The following ZNF782 variants were observed in gnomAD, a reference collection of about 807,000 sequenced individuals.
ZNF782 encodes the protein zinc finger protein 782.
Under a neutral mutation model 13.0 loss-of-function variants are expected in ZNF782, and 12 were observed. That is an observed-to-expected ratio of 0.92 (90% CI 0.59 to 1.50). The LOEUF is 1.50. Ranked by LOEUF, ZNF782 falls within the 40% of genes most tolerant of loss-of-function variation. The probability of loss-of-function intolerance (pLI) is 0.00; values close to 1 mark genes in which losing one functional copy is unlikely to be tolerated. For missense variants in ZNF782, 770 were observed against 822.9 expected (o/e 0.94, Z 0.79); for synonymous variants, 284 against 283.0 (o/e 1.00, Z -0.04).
At chr9:96,881,769 T>C in the ZNF782 span, among the ~76,000 whole-genome samples, 1 of 152,136 alleles carries the variant, frequency 6.6e-6, no homozygotes, top group Admixed American at 6.5e-5. Context: ...TTCTCCTCCA[T>C]TTATTTATAT....
chr9:96,824,356 C>G (rs1221395876), intron 5 of ZNF782, among the ~76,000 whole-genome samples: 65 of 144,550 alleles, frequency 4.5e-4, no homozygotes, highest in African/African-American at 6.3e-4. Context: ...ATTCAACAAC[C>G]CTTCATGCTA....
chr9:96,918,762 C>T, the ZNF782 span: 5 of 162,734 alleles, frequency 3.1e-5, no homozygotes, highest in African/African-American at 9.6e-5. Context: ...ACTTGTGTGC[C>T]GAGGAGACTC....
intron 1 of ZNF782, among the ~76,000 whole-genome samples, chr9:96,869,191 C>G (rs953728369): frequency 2.0e-5 from 3 of 151,772 alleles, no homozygotes; most frequent in Non-Finnish European, 4.4e-5. Context: ...AGCTTATTAA[C>G]CTTTTTGGCA....
chr9:96,881,215 C>A, the ZNF782 span, among the ~76,000 whole-genome samples: 2 of 152,102 alleles, frequency 1.3e-5, no homozygotes, highest in African/African-American at 4.8e-5. Flanking sequence ...AAACCCCCCA[C>A]AACTTTTGGG....
the ZNF782 span, chr9:96,929,010 GC>G: frequency 6.2e-7 from 1 of 1,609,492 alleles, no homozygotes; most frequent in African/African-American, 1.4e-5. Context: ...GGTGGTCAGT[GC>G]CCAGCCTGAG....
chr9:96,905,084 T>G, the ZNF782 span, among the ~76,000 whole-genome samples: 3 of 147,942 alleles, frequency 2.0e-5, no homozygotes, highest in African/African-American at 8.0e-5. Context: ...CCAGAGCAAC[T>G]CCATCTTGAA....
At chr9:96,865,468 C>A (rs1215153603) in intron 1 of ZNF782, among the ~76,000 whole-genome samples, 2 of 152,206 alleles carry the variant, frequency 1.3e-5, no homozygotes, top group Non-Finnish European at 2.9e-5. Context: ...TTGCCTTTTG[C>A]AGTGATTGTG....
At chr9:96,822,192 G>A (rs982675754) in intron 5 of ZNF782, among the ~76,000 whole-genome samples, 1 of 152,062 alleles carries the variant, frequency 6.6e-6, no homozygotes, top group Non-Finnish European at 1.5e-5. Context: ...ATTTGACTGG[G>A]GTGTTTGCAT....
intron 4 of ZNF782, among the ~76,000 whole-genome samples, chr9:96,834,878 A>G (rs995075080): frequency 6.6e-6 from 1 of 152,176 alleles, no homozygotes; most frequent in Non-Finnish European, 1.5e-5. Context: ...CAGTATTGCC[A>G]TGAATGGAGC....
rs920178139 is a variant in ZNF782, at chr9:96,854,434, C to G, written c.-608G>C. 1.3e-5 allele frequency: 2 copies of G among 152,278 alleles called. No individual in the cohort carries two copies. Among genetic ancestry groups the G allele is most frequent in the African/African-American group, 4.8e-5 (2 of 41,454 alleles). 9.4% of individuals were successfully genotyped at this position (152,278 alleles called of 1,614,324 possible). ...TGTCCTCCCGCCCCAGCTGCGCCCC[C>G]TCTACTTTCCGAGCCGACCCCCGAG... On this transcript the variant is annotated 5_prime_UTR_variant, in exon 1 of 6. Transcript: ENST00000481138.
At chr9:96,824,152 TC>T (rs1248050180) in intron 5 of ZNF782, among the ~76,000 whole-genome samples, 1 of 150,620 alleles carries the variant, frequency 6.6e-6, no homozygotes, top group Non-Finnish European at 1.5e-5. Context: ...GCAAAAATCC[TC>T]AATAAAATAC....
intron 5 of ZNF782, 52 bp downstream of exon 5, chr9:96,827,028 A>C (rs1850645181): frequency 8.5e-7 from 1 of 1,180,648 alleles, no homozygotes; most frequent in Non-Finnish European, 1.2e-6. Context: ...GAGTTGTGTG[A>C]GTACTCCTAG....
At chr9:96,832,023 TG>T (rs1011859229) in intron 4 of ZNF782, among the ~76,000 whole-genome samples, 8 of 152,142 alleles carry the variant, frequency 5.3e-5, no homozygotes, top group Non-Finnish European at 8.8e-5. Flanking sequence ...CCATTTTATT[TG>T]TTTTTTTTGT....
exon 1 of ZNF782, chr9:96,875,545 G>A (rs1160310476): frequency 8.8e-6 from 4 of 456,628 alleles, no homozygotes; most frequent in South Asian, 4.6e-5. Flanking sequence ...GCGCCCACGA[G>A]TTCTGGCACT....
chr9:96,862,511 C>A (rs1185739144), intron 1 of ZNF782, among the ~76,000 whole-genome samples: 1 of 152,132 alleles, frequency 6.6e-6, no homozygotes, highest in Admixed American at 6.5e-5. Context: ...AGTGTACCAA[C>A]AAATTTTTTA....
intron 4 of ZNF782, among the ~76,000 whole-genome samples, chr9:96,836,407 A>C (rs1052971818): frequency 6.6e-6 from 1 of 151,878 alleles, no homozygotes; most frequent in African/African-American, 2.4e-5. Context: ...ACGGGGTTTC[A>C]CTATGTTGGT....
chr9:96,908,417 C>A, the ZNF782 span, among the ~76,000 whole-genome samples: 1 of 152,266 alleles, frequency 6.6e-6, no homozygotes, highest in Admixed American at 6.5e-5. Flanking sequence ...ACTTTCTTCA[C>A]CCATTGCAGC....
chr9:96,886,900 C>G, the ZNF782 span, among the ~76,000 whole-genome samples: 2 of 126,176 alleles, frequency 1.6e-5, no homozygotes, highest in African/African-American at 6.1e-5. Flanking sequence ...CCAGCCTGGG[C>G]AACAAGAGCA....
At chr9:96,854,972 G>C (rs1373835246), upstream of ZNF782, among the ~76,000 whole-genome samples, 5 of 152,020 alleles carry the variant, frequency 3.3e-5, no homozygotes, top group East Asian at 9.7e-4. Context: ...ATATAACTTT[G>C]AATTTACTTT....
Sources: allele counts gnomAD v4.1 joint callset (sites outside exome capture counted in the v4.1 genomes callset), GRCh38; gene constraint gnomAD v4.1.1; transcripts MANE v1.5; gene names NCBI Gene and HGNC (gene_info 2026-07-23, HGNC 2026-07-21).